The following SP4 variants were observed in gnomAD, a reference collection of about 807,000 sequenced individuals.
The protein encoded by SP4 is transcription factor Sp4.
Under a neutral mutation model 72.8 loss-of-function variants are expected in SP4, and 19 were observed. The observed-to-expected ratio is 0.26, with a 90% CI of 0.18 to 0.38. SP4 has a LOEUF of 0.38. Ranked by LOEUF, SP4 falls within the 10% of genes least tolerant of loss-of-function variation. The pLI is 1.00. For synonymous variants in SP4, 395 were observed against 333.1 expected, an observed-to-expected ratio of 1.19 and a Z score of -2.02; for missense variants, 1,008 against 926.3, an observed-to-expected ratio of 1.09 and a Z score of -1.14.
chr7:21,446,405 A>G (rs894430776), intron 3 of SP4, among the ~76,000 whole-genome samples: 3 of 152,180 alleles, frequency 2.0e-5, no homozygotes, highest in Non-Finnish European at 2.9e-5. Flanking sequence ...GTTTCATTCC[A>G]TAAGTGGTTT....
At chr7:21,441,517 T>A (rs778156478) in intron 3 of SP4, among the ~76,000 whole-genome samples, 1 of 152,156 alleles carries the variant, frequency 6.6e-6, no homozygotes, top group Admixed American at 6.6e-5. Flanking sequence ...ATAATAATAA[T>A]AAATAAATTT....
At position 21,511,076 on chromosome 7, in the gene SP4, ATC is replaced by A; in HGVS notation, c.2167_2168del (p.Ser723GlnfsTer9). 1 of 1,614,150 alleles carries A rather than the reference ATC, an allele frequency of 6.2e-7. No individual in the cohort carries two copies. Among genetic ancestry groups the A allele is most frequent in the Non-Finnish European group, 8.5e-7 (1 of 1,179,966 alleles). On this transcript the variant is annotated frameshift_variant, in exon 6 of 6. Coordinates refer to ENST00000222584, the MANE Select transcript of SP4 (RefSeq NM_003112.5). LOFTEE classifies it high-confidence loss of function. ...TCTAAAAGGTTTATGCGGAGTGATC[ATC>A]TCTCCAAACATGTCAAAACGCACCA...
chr7:21,460,395 G>A (rs954215453), intron 3 of SP4, among the ~76,000 whole-genome samples: 17 of 142,622 alleles, frequency 1.2e-4, no homozygotes, highest in South Asian at 5.3e-4. Context: ...TTTTCCTCCC[G>A]GTGGGTTCGT....
chr7:21,479,991 TTTG>T (rs1181957028), intron 4 of SP4, among the ~76,000 whole-genome samples: 12 of 13,590 alleles, frequency 8.8e-4, no homozygotes, highest in East Asian at 0.011. Flanking sequence ...AGTTTTTTTG[TTTG>T]TTTGTTTGTT....
chr7:21,441,020 A>G (rs986970077), intron 3 of SP4, among the ~76,000 whole-genome samples: 2 of 152,242 alleles, frequency 1.3e-5, no homozygotes, highest in Non-Finnish European at 2.9e-5. Flanking sequence ...AAAGATTTAC[A>G]TACATGAAAC....
Position 21,513,122 on chromosome 7 carries a change from T to C in SP4, c.*1853T>C, listed in dbSNP as rs957942463. The C allele has an allele frequency of 6.6e-6, 1 of 152,622 alleles. No homozygotes were observed. The highest frequency in any genetic ancestry group is 1.5e-5 in the Non-Finnish European group (1 of 68,036). The allele number at this position is 152,622 out of a possible 1,614,324, so 9.5% of individuals were successfully genotyped here. On this transcript the variant is annotated 3_prime_UTR_variant, in exon 6 of 6. Transcript: ENST00000222584. ...TTCTCTATAATTTCAGGAAAAGTAC[T>C]AATGCGAATTCTCTTCCAAAATTGT...
intron 5 of SP4, among the ~76,000 whole-genome samples, chr7:21,485,691 A>C (rs149370817): frequency 1.3e-5 from 2 of 152,038 alleles, no homozygotes; most frequent in East Asian, 3.9e-4. Flanking sequence ...TCACCACTCT[A>C]TTTCCAATAA....
Position 21,428,176 on chromosome 7 carries a change from T to TCCAGCCCCCCCCCCCCC in SP4, c.-74_-73insAGCCCCCCCCCCCCCCC. ...ACCGCGGGCGGGCGGGACCGGCCTC[T>TCCAGCCCCCCCCCCCCC]CCTCCCGCCTCGCCCCCACCCCCAC... On this transcript the variant is annotated 5_prime_UTR_variant, in exon 1 of 6. Coordinates refer to ENST00000222584, the MANE Select transcript of SP4 (RefSeq NM_003112.5). 3 of 718,776 alleles carry TCCAGCCCCCCCCCCCCC rather than the reference T, an allele frequency of 4.2e-6. No individual in the cohort carries two copies. Among genetic ancestry groups the TCCAGCCCCCCCCCCCCC allele is most frequent in the East Asian group, 3.0e-5 (1 of 33,532 alleles). 44.5% of individuals were successfully genotyped at this position (718,776 alleles called of 1,614,324 possible). A position where few individuals can be genotyped will look rare whatever the true frequency, so the allele number is the denominator to read the frequency against.
At chr7:21,470,219 A>G (rs552469192) in intron 3 of SP4, among the ~76,000 whole-genome samples, 3 of 152,356 alleles carry the variant, frequency 2.0e-5, no homozygotes, top group South Asian at 4.1e-4. Context: ...TATTTAAGAA[A>G]CATTCATTAA....
chr7:21,482,687 C>CT (rs1784718978), intron 5 of SP4: 7 of 982,298 alleles, frequency 7.1e-6, no homozygotes, highest in Middle Eastern at 5.2e-4. Context: ...TCTAATGTGT[C>CT]TAAGTTTTAC....
chr7:21,479,864 C>T (rs1583429229), intron 4 of SP4, among the ~76,000 whole-genome samples: 1 of 152,190 alleles, frequency 6.6e-6, no homozygotes, highest in East Asian at 1.9e-4. Context: ...AATTTTATTT[C>T]TGATGCTATT....
chr7:21,449,835 AT>A (rs1194076473), intron 3 of SP4, among the ~76,000 whole-genome samples: 1 of 151,994 alleles, frequency 6.6e-6, no homozygotes, highest in Non-Finnish European at 1.5e-5. Flanking sequence ...AGCATTTTTT[AT>A]TGGGAAAAAA....
intron 3 of SP4, among the ~76,000 whole-genome samples, chr7:21,450,685 T>G (rs560549713): frequency 6.6e-6 from 1 of 152,298 alleles, no homozygotes; most frequent in East Asian, 1.9e-4. Context: ...TATAACTTAG[T>G]AAGGAAGTTA....
chr7:21,503,093 G>T (rs1280696786), intron 5 of SP4, among the ~76,000 whole-genome samples: 1 of 152,064 alleles, frequency 6.6e-6, no homozygotes, highest in Non-Finnish European at 1.5e-5. Flanking sequence ...GACCTTCCCA[G>T]CTTGGGTGGA....
At chr7:21,456,215 G>T (rs1583401445) in intron 3 of SP4, among the ~76,000 whole-genome samples, 1 of 152,190 alleles carries the variant, frequency 6.6e-6, no homozygotes, top group African/African-American at 2.4e-5. Context: ...CTCCCAAAGG[G>T]TTGCTAACTC....
Position 21,481,955 on chromosome 7 carries a change from C to T in SP4, c.1939C>T (p.His647Tyr). 6.2e-7 allele frequency: 1 copy of T among 1,613,984 alleles called. No individual in the cohort carries two copies. Among genetic ancestry groups the T allele is most frequent in the Non-Finnish European group, 8.5e-7 (1 of 1,179,906 alleles). ...TAATGAACCAGGAAAAAAGAAGCAG[C>T]ATATCTGTCATATTGAAGGATGTGG... ...GSNEPGKKKQHICHIEGCGKV... is the reference protein window; with the variant it reads ...GSNEPGKKKQYICHIEGCGKV... Residue 647 changes from histidine to tyrosine, a missense_variant, in exon 5 of 6, where the codon CAT (histidine) becomes TAT (tyrosine). His to Tyr is a moderately conservative substitution (Grantham distance 83). Around this residue, in one of 3 missense-constraint regions of SP4, gnomAD observed 48 missense variants for 117.0 expected, o/e 0.41. Coordinates refer to ENST00000222584, the MANE Select transcript of SP4 (RefSeq NM_003112.5).
chr7:21,430,561 C>G lies in SP4; in HGVS notation c.1396C>G (p.Gln466Glu). The change falls in exon 3 of 6, where the codon CAA (glutamine) becomes GAA (glutamate). Residue 466 changes from glutamine to glutamate, a missense_variant. Physicochemically the swap from Gln to Glu is conservative, Grantham distance 29. Around this residue, in one of 3 missense-constraint regions of SP4, gnomAD observed 893 missense variants for 743.3 expected, o/e 1.20. Transcript: ENST00000222584. ...GGCTCCAACTTTAACACCTTCAGGG[C>G]AAATCAGTTGGCAAACTGTACAGGT... is the stretch of plus-strand genomic sequence containing the variant. ...IRAPTLTPSG[Q>E]ISWQTVQVQN... is the part of the protein sequence containing the mutation. 6.2e-7 allele frequency: 1 copy of G among 1,614,214 alleles called. No homozygotes were observed. Among genetic ancestry groups the G allele is most frequent in the Non-Finnish European group, 8.5e-7 (1 of 1,180,026 alleles).
At chr7:21,481,010 G>C (rs1784669657) in intron 4 of SP4, among the ~76,000 whole-genome samples, 1 of 152,164 alleles carries the variant, frequency 6.6e-6, no homozygotes, top group African/African-American at 2.4e-5. Flanking sequence ...CTGAGTGCCT[G>C]GTTGCTGGGG....
At chr7:21,473,825 G>C (rs551326457) in intron 3 of SP4, among the ~76,000 whole-genome samples, 8 of 152,188 alleles carry the variant, frequency 5.3e-5, no homozygotes, top group Non-Finnish European at 8.8e-5. Context: ...ATCAGGTGCA[G>C]AGTGAGCAAG....
Sources: gnomAD v4.1 joint callset for allele counts (sites outside exome capture counted in the v4.1 genomes callset) on GRCh38, gnomAD v4.1.1 for gene constraint, gnomAD v4.1.1 regional missense constraint, MANE v1.5 for transcripts, NCBI Gene and HGNC (gene_info 2026-07-23, HGNC 2026-07-21) for gene names.